Variants in TECTA observed in about 807,000 individuals in gnomAD.
TECTA encodes alpha-tectorin.
Under a neutral mutation model 216.8 loss-of-function variants are expected in TECTA, and 128 were observed. The ratio of observed to expected loss-of-function variants is 0.59; its 90% CI spans 0.51 to 0.68. The LOEUF is 0.68. Among genes scored for constraint, TECTA ranks in the 30% least tolerant of loss-of-function variants. The probability of loss-of-function intolerance (pLI) is 0.00; values close to 1 mark genes in which losing one functional copy is unlikely to be tolerated. For missense variants in TECTA, 2,551 were observed against 2,786.2 expected, an observed-to-expected ratio of 0.92 and a Z score of 1.90; for synonymous variants, 1,089 against 1,117.1, an observed-to-expected ratio of 0.97 and a Z score of 0.50.
chr11:121,105,974 G>A lies in TECTA; in HGVS notation c.198+10G>A. On this transcript the variant is annotated intron_variant, in intron 3 of 23. Coordinates refer to ENST00000392793, the MANE Select transcript of TECTA (RefSeq NM_005422.4). The surrounding 1 kb of genome is among the most constrained non-coding windows in gnomAD (Gnocchi z 5.3). ...TTACCGCACTGTCTATGTAAGTGGA[G>A]AAGCAGCCCATCTGTTGTTCTCTGG... 3.1e-6 allele frequency: 5 copies of A among 1,614,192 alleles called. No individual in the cohort carries two copies. Among genetic ancestry groups the A allele is most frequent in the South Asian group, 1.1e-5 (1 of 91,082 alleles).
intron 12 of TECTA, among the ~76,000 whole-genome samples, chr11:121,151,284 G>T (rs1437437836): frequency 5.9e-5 from 9 of 152,166 alleles, no homozygotes; most frequent in Admixed American, 5.9e-4. Flanking sequence ...ATTTCACCCA[G>T]TAATTCCACT....
chr11:121,116,666 T>A (rs1946505188), intron 6 of TECTA, among the ~76,000 whole-genome samples: 1 of 152,216 alleles, frequency 6.6e-6, no homozygotes, highest in Non-Finnish European at 1.5e-5. Context: ...GCCTGGGGTA[T>A]AGCAGGGGAA....
rs113735287 is a variant in TECTA at position 121,101,790 on chromosome 11, G to A, written c.-2+348G>A. ...AATACTGTCAGGAGGAGACTTCATG[G>A]TCTAGCCACACGCTTGGGTGATGTC... On this transcript the variant is annotated intron_variant, in intron 1 of 23. Coordinates refer to ENST00000392793, the MANE Select transcript of TECTA (RefSeq NM_005422.4). Among the ~76,000 whole-genome samples the A allele has an allele frequency of 4.5e-3, 687 of 152,296 alleles. 5 individuals are homozygous for A. Among genetic ancestry groups the A allele is most frequent in the Middle Eastern group, 0.02 (6 of 294 alleles).
At chr11:121,190,106 A>G in intron 23 of TECTA, 5 of 535,516 alleles carry the variant, frequency 9.3e-6, no homozygotes, top group Non-Finnish European at 1.7e-5. Flanking sequence ...CTAAAATATA[A>G]AGGTAATTTA....
At chr11:121,120,722 C>T (rs1946549426) in intron 7 of TECTA, among the ~76,000 whole-genome samples, 1 of 152,212 alleles carries the variant, frequency 6.6e-6, no homozygotes, top group African/African-American at 2.4e-5. Context: ...CAAAAAAAGG[C>T]AGCATAAGTA....
chr11:121,151,601 G>A (rs1946890342), intron 12 of TECTA, among the ~76,000 whole-genome samples: 8 of 152,168 alleles, frequency 5.3e-5, no homozygotes, highest in Admixed American at 5.2e-4. Context: ...ATTGACTATA[G>A]TTTGCTATCG....
chr11:121,107,438 T>A (rs763410326), intron 3 of TECTA, among the ~76,000 whole-genome samples: 1 of 152,210 alleles, frequency 6.6e-6, no homozygotes, highest in Non-Finnish European at 1.5e-5. Context: ...GACAATAGGC[T>A]CTTAATGTCT....
intron 20 of TECTA, among the ~76,000 whole-genome samples, chr11:121,178,767 T>A (rs1007586286): frequency 6.6e-6 from 1 of 152,198 alleles, no homozygotes; most frequent in Non-Finnish European, 1.5e-5. Context: ...CCTGATTCAA[T>A]CCTGTTATTA....
chr11:121,170,796 AGTT>A lies in TECTA; in HGVS notation c.5999+1875_5999+1877del, dbSNP rs1947104106. On this transcript the variant is annotated intron_variant, in intron 20 of 23. Transcript: ENST00000392793. ...GAAATTATTTGTTTTCTTGCTGTTG[AGTT>A]GTTTGAGTTTCTTGCATATTCTGGA... 7.9e-5 allele frequency among the ~76,000 whole-genome samples: 12 copies of A among 151,968 alleles called. No homozygotes were observed. In the South Asian group the frequency reaches 2.5e-3, roughly 32 times the overall value.
Position 121,125,586 on chromosome 11 carries a change from C to T in TECTA, c.1488C>T (p.Asp496=), listed in dbSNP as rs1769698158. The T allele has an allele frequency of 1.2e-6, 2 of 1,614,004 alleles. No homozygotes were observed. Among genetic ancestry groups the T allele is most frequent in the Non-Finnish European group, 1.7e-6 (2 of 1,179,960 alleles). ...LGESWRVYHA[D]WKCDSGCVDN... is the part of the protein sequence containing the mutation. ...AGAGCTGGCGTGTGTACCACGCAGACTGGAAGTGCGACTCCGGCTGCGTCG... is the reference window on the plus strand; with the variant it reads ...AGAGCTGGCGTGTGTACCACGCAGATTGGAAGTGCGACTCCGGCTGCGTCG... The change falls in exon 8 of 24, where the codon GAC becomes GAT. Residue 496 remains aspartate (D), a synonymous_variant. Transcript: ENST00000392793.
chr11:121,136,438 G>A (rs1033370920), intron 10 of TECTA, among the ~76,000 whole-genome samples: 5 of 152,096 alleles, frequency 3.3e-5, no homozygotes, highest in African/African-American at 1.2e-4. Context: ...GGAGGTGGAC[G>A]AGGCCAGAGG....
chr11:121,171,661 AT>A (rs893518714), intron 20 of TECTA, among the ~76,000 whole-genome samples: 4 of 151,726 alleles, frequency 2.6e-5, no homozygotes, highest in Non-Finnish European at 4.4e-5. Context: ...TAGATTTCTC[AT>A]TTTTTTGTAG....
intron 17 of TECTA, 27 bp downstream of exon 17, chr11:121,165,410 C>G: frequency 6.5e-7 from 1 of 1,540,928 alleles, no homozygotes; most frequent in Non-Finnish European, 8.8e-7. Context: ...ACCTCCCCAC[C>G]CAGAAAGGCC....
chr11:121,137,280 A>C lies in TECTA; in HGVS notation c.2942-141A>C, dbSNP rs1414614504. 10 of 1,108,558 alleles carry C rather than the reference A, an allele frequency of 9.0e-6. No individual in the cohort carries two copies. In the Admixed American group the frequency reaches 1.5e-4, roughly 17 times the overall value. The allele number at this position is 1,108,558 out of a possible 1,614,324, so 68.7% of individuals were successfully genotyped here. A position where few individuals can be genotyped will look rare whatever the true frequency, so the allele number is the denominator to read the frequency against. Reference sequence around the variant, plus strand: ...CACACACACATGCATGCACAAATGCATGCATACACAAATGCATGCATGCAC... The same window carrying C: ...CACACACACATGCATGCACAAATGCCTGCATACACAAATGCATGCATGCAC... On this transcript the variant is annotated intron_variant, in intron 10 of 23. Transcript: ENST00000392793.
At chr11:121,180,939 G>A (rs566692509) in intron 20 of TECTA, among the ~76,000 whole-genome samples, 89 of 151,858 alleles carry the variant, frequency 5.9e-4, no homozygotes, top group Admixed American at 1.3e-3. Flanking sequence ...AGGCCGAAGC[G>A]GGTGGATCAT....
In TECTA at chr11:121,128,327, G is replaced by A. The variant is rs765384474; in HGVS notation, c.2350G>A (p.Gly784Arg). 2 of 1,599,630 alleles carry A rather than the reference G, an allele frequency of 1.3e-6. No homozygotes were observed. Among genetic ancestry groups the A allele is most frequent in the South Asian group, 1.1e-5 (1 of 91,064 alleles). ...CCAGGAGGTCAAGATAGGAGGCATC[G>A]GGGCTTCGGAAGTCAAGGTAAGGCT... ...ADQEVKIGGI[G>R]ASEVKLNGQE... Residue 784 changes from glycine (G) to arginine (R), a missense_variant, in exon 9 of 24, where the codon GGG (glycine) becomes AGG (arginine). Physicochemically the swap from Gly to Arg is moderately radical, Grantham distance 125. Transcript: ENST00000392793.
intron 23 of TECTA, among the ~76,000 whole-genome samples, chr11:121,190,452 A>T (rs182060390): frequency 6.6e-6 from 1 of 152,278 alleles, no homozygotes; most frequent in East Asian, 1.9e-4. Context: ...TTTAGTAGAG[A>T]TGGGGTTTCA....
At chr11:121,145,063 A>G (rs902845107) in intron 11 of TECTA, among the ~76,000 whole-genome samples, 1 of 152,166 alleles carries the variant, frequency 6.6e-6, no homozygotes, top group African/African-American at 2.4e-5. Context: ...CTGGAGGATG[A>G]GAGGGATGTT....
intron 20 of TECTA, 23 bp from the exon 21 acceptor site, chr11:121,187,809 A>T: frequency 6.2e-7 from 1 of 1,614,138 alleles, no homozygotes; most frequent in Non-Finnish European, 8.5e-7. Flanking sequence ...TGAAGCAAAG[A>T]TTCCATTATT....
Sources: allele counts gnomAD v4.1 joint callset (sites outside exome capture counted in the v4.1 genomes callset), GRCh38; gene constraint gnomAD v4.1.1; non-coding constraint Gnocchi (gnomAD v3.1); transcripts MANE v1.5; gene names NCBI Gene and HGNC (gene_info 2026-07-23, HGNC 2026-07-21).